The following C5orf15 variants were observed in gnomAD, a reference collection of about 807,000 sequenced individuals.
C5orf15 encodes keratinocyte-associated transmembrane protein 2.
In C5orf15, 10 loss-of-function variants were observed where a neutral mutation model predicts 17.8. The ratio of observed to expected loss-of-function variants is 0.56; its 90% CI spans 0.35 to 0.95. The LOEUF (loss-of-function observed/expected upper bound fraction) is 0.95. C5orf15 is among the 40% of genes least tolerant of loss of function. C5orf15 has a pLI of 0.02. For synonymous variants in C5orf15, 124 were observed against 131.0 expected, an observed-to-expected ratio of 0.95 and a Z score of 0.36; for missense variants, 319 against 331.7, an observed-to-expected ratio of 0.96 and a Z score of 0.30.
rs989025400 is a variant in C5orf15 at position 133,965,340 on chromosome 5, T to C, written c.139+3106A>G. ...TTTAACTCCAATACCTAGCACCAAG[T>C]AGGAGCAGAATGTCTTAGTCAAGCA... On this transcript the variant is annotated intron_variant, in intron 1 of 2. Coordinates refer to ENST00000231512, the MANE Select transcript of C5orf15 (RefSeq NM_020199.3). Among the ~76,000 whole-genome samples, 11 of 152,116 alleles carry C rather than the reference T, an allele frequency of 7.2e-5. No individual in the cohort carries two copies. The East Asian group carries it at 9.6e-4, about 13-fold the overall frequency.
At chr5:133,964,620 A>T (rs2126878476) in intron 1 of C5orf15, among the ~76,000 whole-genome samples, 1 of 152,348 alleles carries the variant, frequency 6.6e-6, no homozygotes, top group Non-Finnish European at 1.5e-5. Flanking sequence ...GTGAATCTAT[A>T]ATTATCTCAA....
rs1287120207 is a variant in C5orf15, at chr5:133,968,508, A to C, written c.77T>G (p.Leu26Arg). The change falls in exon 1 of 3, where the codon CTT becomes CGT. Residue 26 changes from leucine to arginine, a missense_variant. Physicochemically the swap from Leu to Arg is moderately radical, Grantham distance 102. Around this residue, in one of 3 missense-constraint regions of C5orf15, gnomAD observed 127 missense variants for 95.6 expected, o/e 1.33. Transcript: ENST00000231512. ...KLLPGSAIQALVGLARPLVLA... is the reference protein window; with the variant it reads ...KLLPGSAIQARVGLARPLVLA... Reference sequence around the variant, plus strand: ...GACCAGCGGCCGCGCCAACCCCACAAGGGCTTGGATGGCCGACCCGGGCAG... The same window carrying C: ...GACCAGCGGCCGCGCCAACCCCACACGGGCTTGGATGGCCGACCCGGGCAG... 2 of 1,607,460 alleles carry C rather than the reference A, an allele frequency of 1.2e-6. No individual in the cohort carries two copies. The highest frequency in any genetic ancestry group is 1.7e-6 in the Non-Finnish European group (2 of 1,177,432).
Position 133,968,577 on chromosome 5 carries a change from G to C in C5orf15, c.8C>G (p.Ala3Gly). 1 of 1,609,250 alleles carries C rather than the reference G, an allele frequency of 6.2e-7. No homozygotes were observed. Residue 3 changes from alanine (A) to glycine (G), a missense_variant, in exon 1 of 3, where the codon GCT becomes GGT. Ala to Gly is a moderately conservative substitution (Grantham distance 60). Around this residue, in one of 3 missense-constraint regions of C5orf15, gnomAD observed 127 missense variants for 95.6 expected, o/e 1.33. Coordinates refer to ENST00000231512, the MANE Select transcript of C5orf15 (RefSeq NM_020199.3). MA[A>G]AVPKRMRGPA... ...CCCCCTCATCCTCTTCGGGACGGCA[G>C]CGGCCATAACGGACTCGGCTGGGAG...
In C5orf15 at chr5:133,963,969, G is replaced by A. The variant is rs540760320; in HGVS notation, c.140-3949C>T. On this transcript the variant is annotated intron_variant, in intron 1 of 2. Transcript: ENST00000231512. The stretch of plus-strand genomic sequence containing the variant: ...ACTGGTGGCTCACACCTGTAATCTG[G>A]GCACTTTGGGAGGCCAAGGCAGGTG... 1.2e-4 allele frequency among the ~76,000 whole-genome samples: 19 copies of A among 152,234 alleles called. No individual in the cohort carries two copies. The East Asian group carries it at 3.7e-3, about 29-fold the overall frequency.
intron 1 of C5orf15, among the ~76,000 whole-genome samples, chr5:133,961,553 A>G (rs1475393350): frequency 6.6e-6 from 1 of 151,446 alleles, no homozygotes; most frequent in East Asian, 1.9e-4. Flanking sequence ...CTCAAAAAAA[A>G]AAAAAAAAAA....
At chr5:133,968,355 T>A (rs1752226350) in intron 1 of C5orf15, 91 bp downstream of exon 1, 1 of 1,509,918 alleles carries the variant, frequency 6.6e-7, no homozygotes, top group Admixed American at 2.1e-5. Context: ...TCCTGACACT[T>A]GGAAGCGCCC....
chr5:133,961,382 A>G (rs531585397), intron 1 of C5orf15, among the ~76,000 whole-genome samples: 3 of 151,432 alleles, frequency 2.0e-5, no homozygotes, highest in Non-Finnish European at 2.9e-5. Context: ...GGTCTCTACT[A>G]AAAAATACAA....
intron 1 of C5orf15, among the ~76,000 whole-genome samples, chr5:133,964,148 C>T (rs377401445): frequency 6.6e-6 from 1 of 152,014 alleles, no homozygotes; most frequent in Non-Finnish European, 1.5e-5. Flanking sequence ...ACCTGGGAGG[C>T]GGAGGTTGCA....
intron 1 of C5orf15, among the ~76,000 whole-genome samples, chr5:133,968,193 A>T (rs770654780): frequency 5.0e-4 from 75 of 150,928 alleles, no homozygotes; most frequent in South Asian, 8.4e-4. Flanking sequence ...CCATCTACAC[A>T]CCCTGCTGCC....
At chr5:133,965,253 T>C (rs1752176488) in intron 1 of C5orf15, among the ~76,000 whole-genome samples, 1 of 152,134 alleles carries the variant, frequency 6.6e-6, no homozygotes, top group African/African-American at 2.4e-5. Context: ...GCCCATGCCA[T>C]GGTTCTCAGC....
intron 1 of C5orf15, among the ~76,000 whole-genome samples, chr5:133,962,193 T>C (rs375450561): frequency 6.6e-6 from 1 of 152,204 alleles, no homozygotes; most frequent in Non-Finnish European, 1.5e-5. Flanking sequence ...CATGGGTAAG[T>C]ACCTTTAAAG....
rs551366238 is a variant in C5orf15, at chr5:133,968,101, T to G, written c.139+345A>C. On this transcript the variant is annotated intron_variant, in intron 1 of 2. Transcript: ENST00000231512. ...CCTAACTTTCCGATCCAAGAAATTTTGGAGACCCCACCACCGCCATTCCTT... is the reference window on the plus strand; with the variant it reads ...CCTAACTTTCCGATCCAAGAAATTTGGGAGACCCCACCACCGCCATTCCTT... 3.3e-3 allele frequency among the ~76,000 whole-genome samples: 500 copies of G among 152,136 alleles called. 1 individual carries two copies. The highest frequency in any genetic ancestry group is 0.012 in the African/African-American group (479 of 41,508).
At position 133,968,462 on chromosome 5, in the gene C5orf15, G is replaced by A. The variant is rs759173306; in HGVS notation, c.123C>T (p.Ser41=). The A allele has an allele frequency of 4.7e-5, 76 of 1,604,486 alleles. No individual in the cohort carries two copies. Among genetic ancestry groups the A allele is most frequent in the African/African-American group, 1.9e-4 (14 of 74,750 alleles). The stretch of plus-strand genomic sequence containing the variant: ...CCCCTTTACCACTGGATAGAGCGGC[G>A]GACACAAGCAGGAGCGCCAAGACCA... ...RPLVLALLLV[S]AALSSVVSRT... is the part of the protein sequence containing the mutation. The change falls in exon 1 of 3, where the codon TCC becomes TCT. Residue 41 remains serine, a synonymous_variant. Transcript: ENST00000231512.
At chr5:133,961,232 T>TAAAAAAAAAAA (rs56684565) in intron 1 of C5orf15, among the ~76,000 whole-genome samples, 1 of 30,438 alleles carries the variant, frequency 3.3e-5, no homozygotes, top group Non-Finnish European at 5.7e-5. Context: ...AGTCAGTTAG[T>TAAAAAAAAAAA]AAAAAAAAAA....
intron 2 of C5orf15, among the ~76,000 whole-genome samples, chr5:133,958,689 AAAACGTT>A (rs1752074098): frequency 6.6e-6 from 1 of 151,852 alleles, no homozygotes; most frequent in African/African-American, 2.4e-5. Context: ...GAAATACACC[AAAACGTT>A]AATGCTGAGA....
intron 1 of C5orf15, among the ~76,000 whole-genome samples, chr5:133,962,323 A>C (rs1193273386): frequency 6.6e-6 from 1 of 151,960 alleles, no homozygotes; most frequent in Non-Finnish European, 1.5e-5. Flanking sequence ...CTGAAACCTG[A>C]CTCTCCCTTA....
intron 2 of C5orf15, among the ~76,000 whole-genome samples, chr5:133,958,048 T>C (rs1394911375): frequency 3.9e-5 from 6 of 151,924 alleles, no homozygotes; most frequent in Admixed American, 2.6e-4. Flanking sequence ...GAAATGTTCA[T>C]CACAATATTA....
In C5orf15 at chr5:133,956,671, A is replaced by T; in HGVS notation, c.*188T>A. 1 of 424,820 alleles carries T rather than the reference A, an allele frequency of 2.4e-6. No homozygotes were observed. The highest frequency in any genetic ancestry group is 4.0e-6 in the Non-Finnish European group (1 of 251,626). The allele number at this position is 424,820 out of a possible 1,614,324, so 26.3% of individuals were successfully genotyped here. A position where few individuals can be genotyped will look rare whatever the true frequency, so the allele number is the denominator to read the frequency against. Reference sequence around the variant, plus strand: ...TAACTCACATTTTGGACACCTGATTAAACTCAGCTCTAAAAGTACAGATAA... The same window carrying T: ...TAACTCACATTTTGGACACCTGATTTAACTCAGCTCTAAAAGTACAGATAA... On this transcript the variant is annotated 3_prime_UTR_variant, in exon 3 of 3. Coordinates refer to ENST00000231512, the MANE Select transcript of C5orf15 (RefSeq NM_020199.3).
chr5:133,958,604 A>C (rs1369892552), intron 2 of C5orf15, among the ~76,000 whole-genome samples: 3 of 149,274 alleles, frequency 2.0e-5, no homozygotes, highest in African/African-American at 7.4e-5. Context: ...AAAAAAAAAA[A>C]CTCTGTGAGA....
Sources: allele counts gnomAD v4.1 joint callset (sites outside exome capture counted in the v4.1 genomes callset), GRCh38; gene constraint gnomAD v4.1.1; regional missense constraint gnomAD v4.1.1; transcripts MANE v1.5; gene names NCBI Gene and HGNC (gene_info 2026-07-23, HGNC 2026-07-21).